The following RB1CC1 variants were observed in gnomAD, a reference collection of about 807,000 sequenced individuals.
RB1CC1 encodes RB1 inducible coiled-coil 1.
RB1CC1 carries 46 observed loss-of-function variants against 177.5 expected under a neutral mutation model. That is an observed-to-expected ratio of 0.26 (90% confidence interval 0.20 to 0.33). RB1CC1 has a LOEUF of 0.33. RB1CC1 is among the 10% of genes least tolerant of loss of function. RB1CC1 has a pLI of 1.00. For missense variants in RB1CC1, 1,703 were observed against 1,816.3 expected, an observed-to-expected ratio of 0.94 and a Z score of 1.13; for synonymous variants, 666 against 613.6, an observed-to-expected ratio of 1.09 and a Z score of -1.26.
chr8:52,682,079 CTGT>C (rs935503326), intron 5 of RB1CC1, among the ~76,000 whole-genome samples: 8 of 152,228 alleles, frequency 5.3e-5, no homozygotes, highest in African/African-American at 1.9e-4. Context: ...CAACGCCAGC[CTGT>C]GAAAGCAGCC....
At chr8:52,670,993 A>G (rs1007802879) in intron 7 of RB1CC1, among the ~76,000 whole-genome samples, 2 of 152,108 alleles carry the variant, frequency 1.3e-5, no homozygotes, top group African/African-American at 2.4e-5. Context: ...AGAATACACT[A>G]AAATCTAAAA....
rs57977265 is a variant in RB1CC1 at position 52,630,530 on chromosome 8, T to TA, written c.4441-3dup. The TA allele has an allele frequency of 0.064, 82,827 of 1,284,266 alleles. 10 individuals carry two copies. Among genetic ancestry groups the TA allele is most frequent in the South Asian group, 0.084 (5,658 of 67,598 alleles). 79.6% of individuals were successfully genotyped at this position (1,284,266 alleles called of 1,614,324 possible). On this transcript the variant is annotated splice_region_variant and splice_polypyrimidine_tract_variant and intron_variant, in intron 20 of 23. Coordinates refer to ENST00000025008, the MANE Select transcript of RB1CC1 (RefSeq NM_014781.5). ...TACTGAAGACATGCTCTGAGACATC[T>TA]AAAAAAAAAAAAAAAGTTTATGAAC...
chr8:52,676,943 T>C (rs186464036), intron 5 of RB1CC1, among the ~76,000 whole-genome samples: 1 of 152,354 alleles, frequency 6.6e-6, no homozygotes, highest in African/African-American at 2.4e-5. Context: ...AAGGCAAAGC[T>C]AAAATACGTC....
intron 20 of RB1CC1, 43 bp from the exon 21 acceptor site, chr8:52,630,571 A>G (rs1460095048): frequency 1.3e-6 from 2 of 1,523,802 alleles, no homozygotes; most frequent in Admixed American, 4.8e-5. Flanking sequence ...CAATTTGAGT[A>G]CCACATGCAT....
At chr8:52,648,074 G>C (rs1246545179) in intron 15 of RB1CC1, among the ~76,000 whole-genome samples, 3 of 152,062 alleles carry the variant, frequency 2.0e-5, no homozygotes, top group African/African-American at 7.2e-5. Context: ...AGATAATACA[G>C]GGACAAGAGG....
chr8:52,652,081 C>T (rs1850639991), intron 15 of RB1CC1, among the ~76,000 whole-genome samples: 1 of 151,954 alleles, frequency 6.6e-6, no homozygotes, highest in South Asian at 2.1e-4. Context: ...GATTTTTTTT[C>T]ATATACTTCA....
intron 5 of RB1CC1, among the ~76,000 whole-genome samples, chr8:52,678,989 C>A (rs1314294552): frequency 1.3e-5 from 2 of 152,032 alleles, no homozygotes; most frequent in African/African-American, 2.4e-5. Context: ...AACAAGACAC[C>A]ATCTTGATGA....
In RB1CC1 at chr8:52,642,498, A is replaced by G. The variant is rs1849669800; in HGVS notation, c.4190T>C (p.Phe1397Ser). ...EEVSKLRSSS[F>S]VPSPYVATAP... Reference sequence around the variant, plus strand: ...TGTAGCTACATATGGTGAAGGAACAAAACTGCTACTACGCAACTTACTGAC... The same window carrying G: ...TGTAGCTACATATGGTGAAGGAACAGAACTGCTACTACGCAACTTACTGAC... Residue 1397 changes from phenylalanine to serine, a missense_variant, in exon 18 of 24, where the codon TTT (phenylalanine) becomes TCT (serine). Physicochemically the swap from Phe to Ser is radical, Grantham distance 155. Coordinates refer to ENST00000025008, the MANE Select transcript of RB1CC1 (RefSeq NM_014781.5). 1 of 1,614,062 alleles carries G rather than the reference A, an allele frequency of 6.2e-7. No individual in the cohort carries two copies. Among genetic ancestry groups the G allele is most frequent in the Non-Finnish European group, 8.5e-7 (1 of 1,179,970 alleles).
rs1012546758 is a variant in RB1CC1, at chr8:52,656,438, T to C, written c.3391A>G (p.Ile1131Val). The C allele has an allele frequency of 1.9e-6, 3 of 1,611,590 alleles. No homozygotes were observed. Among genetic ancestry groups the C allele is most frequent in the Admixed American group, 1.7e-5 (1 of 59,734 alleles). The change falls in exon 15 of 24, where the codon ATT (isoleucine) becomes GTT (valine). Residue 1131 changes from isoleucine to valine, a missense_variant. Around this residue, in one of 6 missense-constraint regions of RB1CC1, gnomAD observed 1,169 missense variants for 1,184.7 expected, o/e 0.99. Coordinates refer to ENST00000025008, the MANE Select transcript of RB1CC1 (RefSeq NM_014781.5). ...GLAELRTLMTIEKDQCISELI... is the reference protein window; with the variant it reads ...GLAELRTLMTVEKDQCISELI... ...TCGGAAATACACTGATCTTTTTCAA[T>C]TGTCATTAAAGTTCTTAGCTCTGCT...
intron 8 of RB1CC1, 114 bp from the exon 9 acceptor site, chr8:52,661,833 AAT>A: frequency 1.4e-6 from 1 of 700,672 alleles, no homozygotes; most frequent in African/African-American, 1.9e-5. Flanking sequence ...GCCTTCTAAC[AAT>A]ATTTTTAAAT....
intron 12 of RB1CC1, among the ~76,000 whole-genome samples, chr8:52,659,224 G>C (rs1050444994): frequency 1.3e-5 from 2 of 152,008 alleles, no homozygotes; most frequent in African/African-American, 4.8e-5. Flanking sequence ...TCTGCTTTTA[G>C]CATCATTTTA....
chr8:52,649,754 A>G (rs537898927), intron 15 of RB1CC1, among the ~76,000 whole-genome samples: 27 of 152,354 alleles, frequency 1.8e-4, no homozygotes, highest in African/African-American at 6.3e-4. Flanking sequence ...TCAATCATGT[A>G]GTAGGTAGAT....
At chr8:52,660,761 G>C (rs760119099) in intron 11 of RB1CC1, 104 bp from the exon 12 acceptor site, 40 of 1,213,998 alleles carry the variant, frequency 3.3e-5, no homozygotes, top group Non-Finnish European at 4.5e-5. Context: ...AGTACTTCAA[G>C]TTTAAAATTT....
At position 52,701,529 on chromosome 8, in the gene RB1CC1, T is replaced by C. The variant is rs2150691729; in HGVS notation, c.-167+12546A>G. 2.6e-5 allele frequency among the ~76,000 whole-genome samples: 4 copies of C among 152,322 alleles called. No individual in the cohort carries two copies. In the East Asian group the frequency reaches 5.8e-4, roughly 22 times the overall value. Reference sequence around the variant, plus strand: ...AAAACAAGAGGATACTGACCTGTTTTTGCTCACAAGGATCATTACTTCCTT... The same window carrying C: ...AAAACAAGAGGATACTGACCTGTTTCTGCTCACAAGGATCATTACTTCCTT... On this transcript the variant is annotated intron_variant, in intron 1 of 23. Coordinates refer to ENST00000025008, the MANE Select transcript of RB1CC1 (RefSeq NM_014781.5).
At chr8:52,675,712 TCCAAAAAAAAAA>T (rs1462890810) in intron 6 of RB1CC1, among the ~76,000 whole-genome samples, 3 of 48,424 alleles carry the variant, frequency 6.2e-5, no homozygotes, top group African/African-American at 2.0e-4. Context: ...CTACTAAAAA[TCCAAAAAAAAAA>T]AAAAAAAAAA....
intron 8 of RB1CC1, among the ~76,000 whole-genome samples, chr8:52,663,707 C>CAA (rs773092525): frequency 6.6e-6 from 1 of 152,098 alleles, no homozygotes; most frequent in Non-Finnish European, 1.5e-5. Flanking sequence ...TTAGCAGCAA[C>CAA]AAAAGTAACT....
rs762493274 is a variant in RB1CC1, at chr8:52,655,996, CTTAA to C, written c.3821+8_3821+11del. The C allele has an allele frequency of 3.2e-6, 5 of 1,563,650 alleles. No individual in the cohort carries two copies. Among genetic ancestry groups the C allele is most frequent in the African/African-American group, 1.4e-5 (1 of 73,544 alleles). On this transcript the variant is annotated splice_region_variant and intron_variant, in intron 15 of 23. Coordinates refer to ENST00000025008, the MANE Select transcript of RB1CC1 (RefSeq NM_014781.5). ...TTTAATTTTATAATTACAGACTAAA[CTTAA>C]TTCTTACCTTTTTGCTATTTGATTC...
rs187032550 is a variant in RB1CC1 at position 52,667,626 on chromosome 8, C to T, written c.1173+395G>A. Among the ~76,000 whole-genome samples the T allele has an allele frequency of 4.7e-3, 720 of 152,242 alleles. 4 individuals carry two copies. The highest frequency in any genetic ancestry group is 7.9e-3 in the Non-Finnish European group (534 of 68,002). ...TTATGGCATTAAATCAGATCTAAAA[C>T]CTAGGTATTACTATTAGAAGTATTA... On this transcript the variant is annotated intron_variant, in intron 8 of 23. Coordinates refer to ENST00000025008, the MANE Select transcript of RB1CC1 (RefSeq NM_014781.5).
intron 18 of RB1CC1, among the ~76,000 whole-genome samples, chr8:52,641,384 C>CAAAAAA (rs33912526): frequency 1.0e-5 from 1 of 97,500 alleles, no homozygotes; most frequent in Non-Finnish European, 2.0e-5. Flanking sequence ...GACTTCATCT[C>CAAAAAA]AAAAAAAAAA....
Sources: allele counts gnomAD v4.1 joint callset (sites outside exome capture counted in the v4.1 genomes callset), GRCh38; gene constraint gnomAD v4.1.1; regional missense constraint gnomAD v4.1.1; transcripts MANE v1.5; gene names NCBI Gene and HGNC (gene_info 2026-07-23, HGNC 2026-07-21).